NKAIN3: variants seen among roughly 807,000 people sequenced by gnomAD.
NKAIN3 encodes the protein sodium/potassium transporting ATPase interacting 3.
Under a neutral mutation model 30.2 loss-of-function variants are expected in NKAIN3, and 25 were observed. The observed-to-expected ratio is 0.83, with a 90% CI of 0.60 to 1.16. The LOEUF is 1.16. Among genes scored for constraint, NKAIN3 ranks in the 50% most tolerant of loss-of-function variants. NKAIN3 has a pLI of 0.00. For synonymous variants in NKAIN3, 91 were observed against 89.6 expected (o/e 1.02, Z -0.09); for missense variants, 225 against 254.1 (o/e 0.89, Z 0.78).
At chr8:62,882,465 C>A (rs1821015966) in intron 4 of NKAIN3, among the ~76,000 whole-genome samples, 1 of 152,044 alleles carries the variant, frequency 6.6e-6, no homozygotes, top group Admixed American at 6.6e-5. Flanking sequence ...TTATAGGCAT[C>A]CATCACCCTG....
chr8:62,814,200 G>C (rs1586227792), intron 4 of NKAIN3, among the ~76,000 whole-genome samples: 1 of 152,068 alleles, frequency 6.6e-6, no homozygotes, highest in Admixed American at 6.6e-5. Flanking sequence ...GACTTGGGGA[G>C]TTTTCTGCTA....
chr8:62,436,055 T>C (rs936046813), intron 1 of NKAIN3, among the ~76,000 whole-genome samples: 1 of 152,226 alleles, frequency 6.6e-6, no homozygotes, highest in Non-Finnish European at 1.5e-5. Flanking sequence ...TTGATATTTT[T>C]ACTCAAAGTA....
intron 1 of NKAIN3, among the ~76,000 whole-genome samples, chr8:62,404,707 C>T (rs1210192338): frequency 1.3e-5 from 2 of 152,130 alleles, no homozygotes; most frequent in Admixed American, 1.3e-4. Flanking sequence ...TCAGGCATGT[C>T]CTTATAGCAG....
Position 62,824,633 on chromosome 8 carries a change from G to A in NKAIN3, c.471+77504G>A, listed in dbSNP as rs950035808. The stretch of plus-strand genomic sequence containing the variant: ...GGGGAAATTTAGTCAGTCTTCATGG[G>A]AGAAACATGAGCCTAACATATGTAT... On this transcript the variant is annotated intron_variant, in intron 4 of 6. Transcript: ENST00000623646. Among the ~76,000 whole-genome samples the A allele has an allele frequency of 1.1e-4, 16 of 152,076 alleles. 1 individual carries two copies. Among genetic ancestry groups the A allele is most frequent in the Non-Finnish European group, 2.9e-5 (2 of 68,014 alleles).
chr8:62,565,543 TG>T (rs1210818557), intron 1 of NKAIN3, among the ~76,000 whole-genome samples: 1 of 152,170 alleles, frequency 6.6e-6, no homozygotes, highest in African/African-American at 2.4e-5. Flanking sequence ...TCAGTATAAA[TG>T]GCAGAGCCAG....
In NKAIN3 at chr8:62,313,569, T is replaced by A. The variant is rs144361783; in HGVS notation, c.54+64442T>A. Among the ~76,000 whole-genome samples the A allele has an allele frequency of 1.4e-3, 215 of 152,290 alleles. 1 individual carries two copies. The highest frequency in any genetic ancestry group is 4.8e-3 in the African/African-American group (200 of 41,580). The stretch of plus-strand genomic sequence containing the variant: ...TAAATGTCAGCAATTTTGAAAAAGC[T>A]ATTATTAATTATAAGGAGCTCAAGG... On this transcript the variant is annotated intron_variant, in intron 1 of 6. Coordinates refer to ENST00000623646, the MANE Select transcript of NKAIN3 (RefSeq NM_001304533.3).
At chr8:62,278,535 G>A (rs540130079) in intron 1 of NKAIN3, among the ~76,000 whole-genome samples, 65 of 151,828 alleles carry the variant, frequency 4.3e-4, no homozygotes, top group Middle Eastern at 3.4e-3. Flanking sequence ...CCACTCCCCC[G>A]ACCCCATGAC....
At chr8:62,616,819 C>T (rs1189519686) in intron 3 of NKAIN3, among the ~76,000 whole-genome samples, 1 of 152,086 alleles carries the variant, frequency 6.6e-6, no homozygotes, top group Non-Finnish European at 1.5e-5. Context: ...CAAAGGTCAC[C>T]TCATTAAAAT....
intron 1 of NKAIN3, among the ~76,000 whole-genome samples, chr8:62,344,395 A>G (rs953009999): frequency 2.0e-5 from 3 of 152,114 alleles, no homozygotes; most frequent in Non-Finnish European, 4.4e-5. Context: ...TATCACAACA[A>G]TATTCATGTT....
At chr8:62,962,712 C>G (rs767522585) in intron 6 of NKAIN3, among the ~76,000 whole-genome samples, 1 of 152,026 alleles carries the variant, frequency 6.6e-6, no homozygotes, top group Admixed American at 6.6e-5. Context: ...GAGTTAGAGA[C>G]GCATGGAGAT....
chr8:62,610,059 G>A (rs961193341), intron 3 of NKAIN3, among the ~76,000 whole-genome samples: 2 of 152,008 alleles, frequency 1.3e-5, no homozygotes, highest in African/African-American at 4.8e-5. Flanking sequence ...AGAAACAAAG[G>A]TGGTGGCCAG....
At chr8:62,918,352 A>G in intron 4 of NKAIN3, 101 bp from the exon 5 acceptor site, 1 of 837,018 alleles carries the variant, frequency 1.2e-6, no homozygotes, top group Non-Finnish European at 2.0e-6. Flanking sequence ...CAAACTCTTA[A>G]AAGTTGCTCA....
intron 1 of NKAIN3, among the ~76,000 whole-genome samples, chr8:62,505,488 A>G (rs1165955592): frequency 6.6e-6 from 1 of 152,212 alleles, no homozygotes; most frequent in Non-Finnish European, 1.5e-5. Flanking sequence ...TAAGGTTCTC[A>G]ATAATAGTCT....
At chr8:62,467,260 T>C (rs533559221) in intron 1 of NKAIN3, among the ~76,000 whole-genome samples, 1 of 152,352 alleles carries the variant, frequency 6.6e-6, no homozygotes, top group African/African-American at 2.4e-5. Flanking sequence ...ACTATTTCAT[T>C]GCATTTATTA....
chr8:62,264,244 G>A (rs545027588), intron 1 of NKAIN3, among the ~76,000 whole-genome samples: 8 of 152,172 alleles, frequency 5.3e-5, no homozygotes, highest in Non-Finnish European at 7.4e-5. Flanking sequence ...TATATTCCCC[G>A]CTGGCCACCT....
chr8:62,855,529 A>C, intron 4 of NKAIN3: 1 of 1,465,426 alleles, frequency 6.8e-7, no homozygotes, highest in Admixed American at 1.7e-5. Flanking sequence ...GTGGGTAAAC[A>C]AGCTCCTTAA....
At chr8:62,516,494 G>T (rs956369303) in intron 1 of NKAIN3, among the ~76,000 whole-genome samples, 1 of 151,920 alleles carries the variant, frequency 6.6e-6, no homozygotes, top group Non-Finnish European at 1.5e-5. Flanking sequence ...AATAACCTTA[G>T]TTTGTTTTAC....
chr8:62,396,262 G>A (rs1318852728), intron 1 of NKAIN3, among the ~76,000 whole-genome samples: 1 of 152,138 alleles, frequency 6.6e-6, no homozygotes, highest in Non-Finnish European at 1.5e-5. Flanking sequence ...CTTCCCTTGT[G>A]TGATTATTTC....
chr8:62,477,283 C>A (rs1439662674), intron 1 of NKAIN3, among the ~76,000 whole-genome samples: 1 of 152,022 alleles, frequency 6.6e-6, no homozygotes, highest in African/African-American at 2.4e-5. Flanking sequence ...CACACAAACG[C>A]ATGTTTTTTG....
Sources: gnomAD v4.1 joint callset for allele counts (sites outside exome capture counted in the v4.1 genomes callset) on GRCh38, gnomAD v4.1.1 for gene constraint, MANE v1.5 for transcripts, NCBI Gene and HGNC (gene_info 2026-07-23, HGNC 2026-07-21) for gene names.